The following FGF14 variants were observed in gnomAD, a reference collection of about 807,000 sequenced individuals.
FGF14 encodes fibroblast growth factor homologous factor 4.
Under a neutral mutation model 25.5 loss-of-function variants are expected in FGF14, and 5 were observed. The ratio of observed to expected loss-of-function variants is 0.20; its 90% CI spans 0.10 to 0.41. FGF14 has a LOEUF of 0.41. FGF14 is among the 10% of genes least tolerant of loss of function. The probability of loss-of-function intolerance (pLI) is 1.00; values close to 1 mark genes in which losing one functional copy is unlikely to be tolerated. For synonymous variants in FGF14, 138 were observed against 118.3 expected, an observed-to-expected ratio of 1.17 and a Z score of -1.08; for missense variants, 222 against 320.1, an observed-to-expected ratio of 0.69 and a Z score of 2.34.
At position 102,296,346 on chromosome 13, in the gene FGF14, A is replaced by G. The variant is rs147846689; in HGVS notation, c.208+105125T>C. Among the ~76,000 whole-genome samples, 12 of 152,202 alleles carry G rather than the reference A, an allele frequency of 7.9e-5. No homozygotes were observed. In the East Asian group the frequency reaches 1.2e-3, roughly 15 times the overall value. On this transcript the variant is annotated intron_variant, in intron 1 of 4. Coordinates refer to the FGF14 transcript ENST00000376131. Reference sequence around the variant, plus strand: ...TTCTTCTGAAAAGTATAAGATTTTGAGTTATCGTGGTTTGCAGCTTGGTGC... The same window carrying G: ...TTCTTCTGAAAAGTATAAGATTTTGGGTTATCGTGGTTTGCAGCTTGGTGC...
chr13:102,067,243 T>C (rs1186329739), intron 1 of FGF14, among the ~76,000 whole-genome samples: 2 of 152,192 alleles, frequency 1.3e-5, no homozygotes, highest in Admixed American at 1.3e-4. Context: ...GCGTATTTAG[T>C]TGCATGGTAA....
intron 1 of FGF14, among the ~76,000 whole-genome samples, chr13:102,379,694 A>G (rs1466142475): frequency 2.0e-5 from 3 of 152,152 alleles, no homozygotes; most frequent in African/African-American, 7.2e-5. Flanking sequence ...TACCTCTTCT[A>G]AAAGGCCAAC....
chr13:102,378,785 T>C (rs965745085), intron 1 of FGF14, among the ~76,000 whole-genome samples: 20 of 152,102 alleles, frequency 1.3e-4, no homozygotes, highest in Non-Finnish European at 1.5e-5. Context: ...GTTCATATAG[T>C]GCTGTCTTTA....
At chr13:102,127,546 T>C (rs1260740352) in intron 1 of FGF14, among the ~76,000 whole-genome samples, 1 of 152,184 alleles carries the variant, frequency 6.6e-6, no homozygotes, top group Non-Finnish European at 1.5e-5. Context: ...GCAAAGAGGA[T>C]TTGTATAACT....
intron 1 of FGF14, among the ~76,000 whole-genome samples, chr13:102,324,573 C>T (rs1025166277): frequency 8.5e-5 from 13 of 152,148 alleles, no homozygotes; most frequent in African/African-American, 3.1e-4. Context: ...GCTCATGCAT[C>T]AAAGTCTTTG....
intron 1 of FGF14, among the ~76,000 whole-genome samples, chr13:102,381,960 T>G (rs760195061): frequency 6.6e-6 from 1 of 152,168 alleles, no homozygotes; most frequent in African/African-American, 2.4e-5. Context: ...AAGAATGAAG[T>G]TGGACCCCTA....
At chr13:102,276,503 G>A (rs1348352945) in intron 1 of FGF14, among the ~76,000 whole-genome samples, 1 of 151,648 alleles carries the variant, frequency 6.6e-6, no homozygotes, top group African/African-American at 2.4e-5. Flanking sequence ...ATCTGACACA[G>A]ACCATCAAAC....
intron 1 of FGF14, among the ~76,000 whole-genome samples, chr13:101,960,373 C>T (rs551414216): frequency 6.6e-6 from 1 of 152,286 alleles, no homozygotes; most frequent in South Asian, 2.1e-4. Context: ...CTCCACCTGA[C>T]AGGCCCCAAT....
At chr13:101,745,757 C>T (rs866173030) in intron 3 of FGF14, among the ~76,000 whole-genome samples, 2 of 151,910 alleles carry the variant, frequency 1.3e-5, no homozygotes, top group Admixed American at 1.3e-4. Context: ...TAGGTTTGAC[C>T]ACGTCTTGAA....
intron 1 of FGF14, among the ~76,000 whole-genome samples, chr13:102,018,679 C>T (rs1334930009): frequency 6.6e-6 from 1 of 151,988 alleles, no homozygotes; most frequent in African/African-American, 2.4e-5. Flanking sequence ...CCTGAGGTCA[C>T]TTATCCATCG....
At chr13:102,174,041 A>G (rs2048345316) in intron 1 of FGF14, among the ~76,000 whole-genome samples, 1 of 152,096 alleles carries the variant, frequency 6.6e-6, no homozygotes, top group Non-Finnish European at 1.5e-5. Flanking sequence ...TACCTAGGAA[A>G]CTCTAAAGAT....
intron 1 of FGF14, among the ~76,000 whole-genome samples, chr13:102,200,539 T>A (rs2049568463): frequency 6.6e-6 from 1 of 151,922 alleles, no homozygotes; most frequent in Non-Finnish European, 1.5e-5. Context: ...CCATATTATA[T>A]GTTAGAAAAA....
chr13:101,911,192 C>A lies in FGF14; in HGVS notation c.193+5261G>T, dbSNP rs1445307130. 1.2e-4 allele frequency among the ~76,000 whole-genome samples: 18 copies of A among 151,972 alleles called. 1 individual carries two copies. The highest frequency in any genetic ancestry group is 2.9e-5 in the Non-Finnish European group (2 of 67,978). ...AAAATACTTGTTCTCACAGTAACAT[C>A]ATAGAGAATGGAATTACTAACAAAA... On this transcript the variant is annotated intron_variant, in intron 1 of 4. Coordinates refer to ENST00000376143, the MANE Select transcript of FGF14 (RefSeq NM_004115.4).
chr13:102,118,289 C>A (rs928496660), intron 1 of FGF14, among the ~76,000 whole-genome samples: 2 of 151,644 alleles, frequency 1.3e-5, no homozygotes, highest in African/African-American at 4.8e-5. Flanking sequence ...TTATTAGGAA[C>A]CAAGCTTGTT....
intron 3 of FGF14, among the ~76,000 whole-genome samples, chr13:101,863,013 T>C (rs1467792519): frequency 1.3e-5 from 2 of 152,096 alleles, no homozygotes; most frequent in African/African-American, 4.8e-5. Context: ...ATAATTCCAA[T>C]GAAACATACA....
intron 1 of FGF14, among the ~76,000 whole-genome samples, chr13:102,062,631 A>C (rs1299756177): frequency 6.6e-6 from 1 of 152,218 alleles, no homozygotes; most frequent in Admixed American, 6.5e-5. Flanking sequence ...ATTTGAATGA[A>C]ATGAATCATT....
At chr13:102,203,554 C>A (rs1417367573) in intron 1 of FGF14, among the ~76,000 whole-genome samples, 1 of 152,000 alleles carries the variant, frequency 6.6e-6, no homozygotes, top group African/African-American at 2.4e-5. Flanking sequence ...GATTTTAATA[C>A]AAAATGAGAC....
intron 2 of FGF14, among the ~76,000 whole-genome samples, chr13:101,871,435 T>G (rs2045075266): frequency 6.6e-6 from 1 of 152,078 alleles, no homozygotes; most frequent in South Asian, 2.1e-4. Flanking sequence ...AATATACAAC[T>G]AAGGACGGTG....
chr13:102,305,298 A>G (rs73581260), intron 1 of FGF14, among the ~76,000 whole-genome samples: 5,691 of 152,250 alleles, frequency 0.037, 354 homozygotes, highest in African/African-American at 0.13. Flanking sequence ...CTAATTTAAA[A>G]AAACAGAGCT....
Sources: allele counts gnomAD v4.1 joint callset (sites outside exome capture counted in the v4.1 genomes callset), GRCh38; gene constraint gnomAD v4.1.1; transcripts MANE v1.5; gene names NCBI Gene and HGNC (gene_info 2026-07-23, HGNC 2026-07-21).